HERC1: variants seen among roughly 807,000 people sequenced by gnomAD.
The protein encoded by HERC1 is probable E3 ubiquitin-protein ligase HERC1.
A neutral mutation model predicts 554.3 loss-of-function variants in HERC1; 160 were observed. The observed-to-expected ratio is 0.29, with a 90% confidence interval of 0.25 to 0.33. The LOEUF (loss-of-function observed/expected upper bound fraction) is 0.33, where lower values mean the gene tolerates loss of function less well. Among genes scored for constraint, HERC1 ranks in the 10% least tolerant of loss-of-function variants. The pLI is 1.00. For synonymous variants in HERC1, 2,175 were observed against 2,131.7 expected (o/e 1.02, Z -0.56); for missense variants, 4,919 against 5,918.5 (o/e 0.83, Z 5.54).
At chr15:63,678,727 A>T (rs1373480555) in intron 36 of HERC1, among the ~76,000 whole-genome samples, 1 of 152,246 alleles carries the variant, frequency 6.6e-6, no homozygotes, top group Non-Finnish European at 1.5e-5. Flanking sequence ...CAGAATGATG[A>T]GTCCTGGACA....
intron 45 of HERC1, 62 bp from the exon 46 acceptor site, chr15:63,661,087 AT>A: frequency 8.6e-7 from 1 of 1,167,242 alleles, no homozygotes; most frequent in South Asian, 1.2e-5. Flanking sequence ...CAAGATGCAA[AT>A]TAAGTCATTA....
At chr15:63,688,946 G>C (rs1409478929) in intron 33 of HERC1, among the ~76,000 whole-genome samples, 1 of 152,188 alleles carries the variant, frequency 6.6e-6, no homozygotes, top group Non-Finnish European at 1.5e-5. Context: ...AGGCACTGCA[G>C]AGTGATCTTT....
chr15:63,779,288 T>C (rs2076209358), intron 1 of HERC1, among the ~76,000 whole-genome samples: 1 of 151,858 alleles, frequency 6.6e-6, no homozygotes, highest in Non-Finnish European at 1.5e-5. Context: ...ACCCAGACAA[T>C]CAACTCCAAG....
intron 27 of HERC1, 104 bp downstream of exon 27, chr15:63,696,020 T>C (rs1166089752): frequency 1.2e-6 from 1 of 823,986 alleles, no homozygotes; most frequent in African/African-American, 1.7e-5. Context: ...TTTAAAGTCT[T>C]TGTATTTTTA....
At chr15:63,764,412 C>T (rs1032889057) in intron 2 of HERC1, among the ~76,000 whole-genome samples, 6 of 152,096 alleles carry the variant, frequency 3.9e-5, no homozygotes, top group African/African-American at 9.7e-5. Context: ...AGTGCCAATC[C>T]CTCACTGATT....
chr15:63,666,098 C>A lies in HERC1; in HGVS notation c.8376G>T (p.Met2792Ile), dbSNP rs758443726. The part of the protein sequence containing the change: ...AQNITVLAMW[M>I]IEHPGHEDEE... ...CATCCTCATGCCCAGGGTGCTCTAT[C>A]ATCCACATGGCAAGGACAGTGATAT... is the stretch of plus-strand genomic sequence containing the variant. The change falls in exon 42 of 78, where the codon ATG becomes ATT. Residue 2792 changes from methionine to isoleucine, a missense_variant. This residue lies in a region of HERC1 where 1,963 missense variants were observed against 2,228.6 expected (regional missense o/e 0.88). Transcript: ENST00000443617. 1.2e-5 allele frequency: 19 copies of A among 1,613,920 alleles called. No homozygotes were observed. The East Asian group carries it at 4.0e-4, about 34-fold the overall frequency.
chr15:63,653,515 G>T (rs1176903626), intron 51 of HERC1, among the ~76,000 whole-genome samples: 1 of 152,160 alleles, frequency 6.6e-6, no homozygotes, highest in East Asian at 1.9e-4. Flanking sequence ...TTAAAATAGT[G>T]AGGCCAATTT....
chr15:63,809,186 C>T (rs2077223277), intron 1 of HERC1, among the ~76,000 whole-genome samples: 1 of 152,094 alleles, frequency 6.6e-6, no homozygotes, highest in Non-Finnish European at 1.5e-5. Flanking sequence ...TAGTATCAAC[C>T]ACTGACTGGC....
At chr15:63,701,025 G>A (rs1459649339) in intron 25 of HERC1, among the ~76,000 whole-genome samples, 1 of 151,418 alleles carries the variant, frequency 6.6e-6, no homozygotes, top group East Asian at 1.9e-4. Flanking sequence ...TTGTTTTTTG[G>A]GGGGGTGTTT....
At position 63,775,047 on chromosome 15, in the gene HERC1, T is replaced by C. The variant is rs768690717; in HGVS notation, c.577A>G (p.Ile193Val). ...GPGLSLCNDV[I>V]HTAIEVVSSL... Reference sequence around the variant, plus strand: ...CTCACAACTTCAATTGCAGTATGAATGACATCGTTGCAAAGACTGAGACCA... The same window carrying C: ...CTCACAACTTCAATTGCAGTATGAACGACATCGTTGCAAAGACTGAGACCA... The change falls in exon 2 of 78, where the codon ATT becomes GTT. Residue 193 changes from isoleucine to valine, a missense_variant. By Grantham distance (29) the Ile-to-Val change is conservative. Around this residue, in one of 11 missense-constraint regions of HERC1, gnomAD observed 744 missense variants for 1,090.0 expected, o/e 0.68. Coordinates refer to ENST00000443617, the MANE Select transcript of HERC1 (RefSeq NM_003922.4). This position sits in a 1 kb window ranked among gnomAD's most constrained non-coding sequence, Gnocchi z 4.0. 3.0e-5 allele frequency: 48 copies of C among 1,613,936 alleles called. No homozygotes were observed. The Admixed American group carries it at 5.5e-4, about 18-fold the overall frequency.
At position 63,633,950 on chromosome 15, in the gene HERC1, G is replaced by T; in HGVS notation, c.12591C>A (p.His4197Gln). The T allele has an allele frequency of 6.2e-7, 1 of 1,613,918 alleles. No homozygotes were observed. The highest frequency in any genetic ancestry group is 8.5e-7 in the Non-Finnish European group (1 of 1,179,838). The change falls in exon 67 of 78, where the codon CAC becomes CAA. Residue 4197 changes from histidine to glutamine, a missense_variant. Coordinates refer to ENST00000443617, the MANE Select transcript of HERC1 (RefSeq NM_003922.4). Reference protein sequence around the residue: ...QIGQVACGLNHTLAVSADGSM... With the variant: ...QIGQVACGLNQTLAVSADGSM... ...AACCATCTGCTGACACTGCCAAAGT[G>T]TGGTTTAATCCACAGGCCACCTAAA...
At chr15:63,695,848 A>T (rs2072379953) in intron 27 of HERC1, among the ~76,000 whole-genome samples, 1 of 152,170 alleles carries the variant, frequency 6.6e-6, no homozygotes, top group Non-Finnish European at 1.5e-5. Flanking sequence ...CCAAACTCCA[A>T]TCCCTATCCT....
intron 25 of HERC1, among the ~76,000 whole-genome samples, chr15:63,701,124 AGGAACTGATATT>A (rs1247024435): frequency 2.6e-5 from 4 of 152,092 alleles, no homozygotes; most frequent in Non-Finnish European, 5.9e-5. Flanking sequence ...AAAATGCGCA[AGGAACTGATATT>A]AGAACTGCAG....
intron 74 of HERC1, among the ~76,000 whole-genome samples, chr15:63,621,406 T>G (rs2152754241): frequency 6.6e-6 from 1 of 152,344 alleles, no homozygotes; most frequent in East Asian, 1.9e-4. Flanking sequence ...ACCCGACCTT[T>G]CTCTCTGGCT....
chr15:63,765,412 T>C (rs1223750481), intron 2 of HERC1, among the ~76,000 whole-genome samples: 1 of 152,136 alleles, frequency 6.6e-6, no homozygotes, highest in Non-Finnish European at 1.5e-5. Context: ...CTCTAAAATT[T>C]AACCTGAAGA....
At chr15:63,812,422 A>G (rs1567153178) in intron 1 of HERC1, among the ~76,000 whole-genome samples, 1 of 152,220 alleles carries the variant, frequency 6.6e-6, no homozygotes, top group Non-Finnish European at 1.5e-5. Flanking sequence ...GGAAATGTGT[A>G]TGGGCTTACT....
intron 70 of HERC1, 64 bp downstream of exon 70, chr15:63,628,613 G>C: frequency 6.7e-7 from 1 of 1,482,988 alleles, no homozygotes. Context: ...CTGGCAAGCA[G>C]ACAGTGCCAT....
At chr15:63,646,573 G>A (rs543342766) in intron 55 of HERC1, among the ~76,000 whole-genome samples, 1 of 151,694 alleles carries the variant, frequency 6.6e-6, no homozygotes, top group East Asian at 1.9e-4. Context: ...AGGCCGAGGT[G>A]GGCGGATCAT....
intron 2 of HERC1, 115 bp downstream of exon 2, chr15:63,774,579 C>T (rs1210503073): frequency 5.2e-6 from 4 of 766,082 alleles, no homozygotes; most frequent in Non-Finnish European, 8.4e-6. Context: ...ATTTAATTAA[C>T]TCAACAATCA....
Sources: allele counts gnomAD v4.1 joint callset (sites outside exome capture counted in the v4.1 genomes callset), GRCh38; gene constraint gnomAD v4.1.1; regional missense constraint gnomAD v4.1.1; non-coding constraint Gnocchi (gnomAD v3.1); transcripts MANE v1.5; gene names NCBI Gene and HGNC (gene_info 2026-07-23, HGNC 2026-07-21).